Variants in PLXNA2 observed in about 807,000 individuals in gnomAD.
PLXNA2 encodes the protein plexin A2, also known as plexin-A2.
A neutral mutation model predicts 193.5 loss-of-function variants in PLXNA2; 91 were observed. The observed-to-expected ratio is 0.47, with a 90% CI of 0.40 to 0.56. The LOEUF (loss-of-function observed/expected upper bound fraction) is 0.56, where lower values mean the gene tolerates loss of function less well. Ranked by LOEUF, PLXNA2 falls within the 20% of genes least tolerant of loss-of-function variation. The probability of loss-of-function intolerance (pLI) is 0.00; values close to 1 mark genes in which losing one functional copy is unlikely to be tolerated. For missense variants in PLXNA2, 1,995 were observed against 2,503.2 expected, an observed-to-expected ratio of 0.80 and a Z score of 4.33; for synonymous variants, 997 against 1,027.3, an observed-to-expected ratio of 0.97 and a Z score of 0.56.
At position 208,042,345 on chromosome 1, in the gene PLXNA2, G is replaced by T. The variant is rs1461715129; in HGVS notation, c.4039C>A (p.His1347Asn). 16 of 1,613,812 alleles carry T rather than the reference G, an allele frequency of 9.9e-6. No homozygotes were observed. Among genetic ancestry groups the T allele is most frequent in the Non-Finnish European group, 1.4e-5 (16 of 1,179,838 alleles). Reference sequence around the variant, plus strand: ...AAGAGCTTCAGGGCCTTCTCCACGTGCTGCTGCCCGTTTCCTTGTACCTGG... The same window carrying T: ...AAGAGCTTCAGGGCCTTCTCCACGTTCTGCTGCCCGTTTCCTTGTACCTGG... The part of the protein sequence containing the change: ...ELEVQGNGQQ[H>N]VEKALKLFAQ... The change falls in exon 22 of 32, where the codon CAC becomes AAC. Residue 1347 changes from histidine to asparagine, a missense_variant. His to Asn is a moderately conservative substitution (Grantham distance 68). Coordinates refer to ENST00000367033, the MANE Select transcript of PLXNA2 (RefSeq NM_025179.4).
intron 9 of PLXNA2, among the ~76,000 whole-genome samples, chr1:208,091,990 A>G (rs1666728158): frequency 6.6e-6 from 1 of 152,254 alleles, no homozygotes; most frequent in South Asian, 2.1e-4. Flanking sequence ...CATTTGGGCA[A>G]CTATGTAATG....
At chr1:208,031,492 A>C in intron 29 of PLXNA2, 98 bp downstream of exon 29, 1 of 1,482,502 alleles carries the variant, frequency 6.7e-7, no homozygotes, top group Non-Finnish European at 9.4e-7. Flanking sequence ...CCAGCCGAGA[A>C]TAGGCTATCC....
At position 208,216,736 on chromosome 1, in the gene PLXNA2, G is replaced by A. The variant is rs1225127086; in HGVS notation, c.1187C>T (p.Ala396Val). ...AGAGCGAGGTGTGTGCCTCCTTACCGCCTTGGTGCACTGGACGTCCTTCCC... is the reference window on the plus strand; with the variant it reads ...AGAGCGAGGTGTGTGCCTCCTTACCACCTTGGTGCACTGGACGTCCTTCCC... ...LLGKDVQCTK[A>V]PVPIDDNFCG... Residue 396 changes from alanine (A) to valine (V), a missense_variant and splice_region_variant, in exon 2 of 32, where the codon GCG (alanine) becomes GTG (valine). This residue lies in a region of PLXNA2 where 702 missense variants were observed against 812.9 expected (regional missense o/e 0.86). Transcript: ENST00000367033. 3 of 1,610,972 alleles carry A rather than the reference G, an allele frequency of 1.9e-6. No homozygotes were observed. The highest frequency in any genetic ancestry group is 1.1e-5 in the South Asian group (1 of 90,844).
At position 208,034,539 on chromosome 1, in the gene PLXNA2, G is replaced by A; in HGVS notation, c.4818C>T (p.Asn1606=). 1 of 1,614,098 alleles carries A rather than the reference G, an allele frequency of 6.2e-7. No individual in the cohort carries two copies. Among genetic ancestry groups the A allele is most frequent in the Non-Finnish European group, 8.5e-7 (1 of 1,179,926 alleles). The change falls in exon 27 of 32, where the codon AAC becomes AAT. Residue 1606 remains asparagine, a synonymous_variant. Coordinates refer to ENST00000367033, the MANE Select transcript of PLXNA2 (RefSeq NM_025179.4). ...GGGAGATGCTGGCAGAGGCAGGGAT[G>A]TTGTAGGAGGAGGTCTGTTTGGGGA... ...ALVPKQTSSY[N]IPASASISRT...
intron 3 of PLXNA2, among the ~76,000 whole-genome samples, chr1:208,173,534 A>G (rs1669561180): frequency 6.6e-6 from 1 of 152,264 alleles, no homozygotes; most frequent in African/African-American, 2.4e-5. Flanking sequence ...CACAGCTAGC[A>G]CACGGCCAAG....
At chr1:208,033,054 GTCC>G (rs1279764998) in intron 28 of PLXNA2, among the ~76,000 whole-genome samples, 1 of 144,410 alleles carries the variant, frequency 6.9e-6, no homozygotes, top group Non-Finnish European at 1.5e-5. Context: ...TTCCAATTTT[GTCC>G]TCTTTTTTTT....
intron 3 of PLXNA2, among the ~76,000 whole-genome samples, chr1:208,206,766 GTTTTTT>G (rs896776741): frequency 8.6e-6 from 1 of 116,760 alleles, no homozygotes; most frequent in African/African-American, 3.3e-5. Context: ...GCACATATAG[GTTTTTT>G]TTTTTTTTTT....
rs547109002 is a variant in PLXNA2 at position 208,101,626 on chromosome 1, C to T, written c.1607+1521G>A. On this transcript the variant is annotated intron_variant, in intron 5 of 31. Transcript: ENST00000367033. ...ACCAGGAGGAAGACCAGGTGGTTTG[C>T]GGCAGCGGGGAGGCCCAGGCATTGC... 1.1e-4 allele frequency among the ~76,000 whole-genome samples: 16 copies of T among 152,284 alleles called. No individual in the cohort carries two copies. In the South Asian group the frequency reaches 1.4e-3, roughly 14 times the overall value.
At chr1:208,204,873 A>G (rs1169588185) in intron 3 of PLXNA2, among the ~76,000 whole-genome samples, 2 of 152,146 alleles carry the variant, frequency 1.3e-5, no homozygotes, top group Non-Finnish European at 2.9e-5. Flanking sequence ...ACATGTCACA[A>G]TGCTTGAGCA....
At chr1:208,150,722 A>G (rs1005134398) in intron 3 of PLXNA2, among the ~76,000 whole-genome samples, 2 of 152,174 alleles carry the variant, frequency 1.3e-5, no homozygotes, top group African/African-American at 4.8e-5. Context: ...TCGTAGAACT[A>G]AGAGGAGTGG....
chr1:208,239,274 A>G (rs561949763), intron 1 of PLXNA2, among the ~76,000 whole-genome samples: 24 of 152,032 alleles, frequency 1.6e-4, no homozygotes, highest in South Asian at 1.5e-3. Context: ...CTCCCTGGCC[A>G]GTGAAGATTC....
intron 4 of PLXNA2, among the ~76,000 whole-genome samples, chr1:208,129,988 G>T (rs1668097987): frequency 6.6e-6 from 1 of 152,182 alleles, no homozygotes; most frequent in Non-Finnish European, 1.5e-5. Context: ...AGGGACAGAG[G>T]CTGAACCCAG....
At chr1:208,081,118 C>T (rs1427821198) in intron 11 of PLXNA2, among the ~76,000 whole-genome samples, 2 of 152,248 alleles carry the variant, frequency 1.3e-5, no homozygotes, top group Admixed American at 6.5e-5. Flanking sequence ...GCTCTCTAAG[C>T]TCCAGGTGCT....
chr1:208,040,284 T>C, intron 22 of PLXNA2: 2 of 571,080 alleles, frequency 3.5e-6, no homozygotes, highest in South Asian at 4.2e-5. Flanking sequence ...ATGGAGAGGT[T>C]GGCCTTTTCA....
chr1:208,181,457 G>A (rs957171436), intron 3 of PLXNA2, among the ~76,000 whole-genome samples: 12 of 152,226 alleles, frequency 7.9e-5, no homozygotes, highest in Non-Finnish European at 1.6e-4. Flanking sequence ...GGAGATGAAA[G>A]TCTGATCCCA....
At chr1:208,136,119 G>A (rs1157597246) in intron 4 of PLXNA2, among the ~76,000 whole-genome samples, 1 of 152,154 alleles carries the variant, frequency 6.6e-6, no homozygotes, top group African/African-American at 2.4e-5. Flanking sequence ...AGGGGGAGAA[G>A]CTTCCAAATG....
chr1:208,100,540 T>G (rs7527482), intron 5 of PLXNA2, among the ~76,000 whole-genome samples: 49,128 of 151,914 alleles, frequency 0.32, 8,229 homozygotes, highest in South Asian at 0.38. Flanking sequence ...TCCAGAGAAA[T>G]TTTTAAGAAA....
rs755781506 is a variant in PLXNA2, at chr1:208,217,967, T to A, written c.-45A>T. On this transcript the variant is annotated 5_prime_UTR_variant, in exon 2 of 32. The change abolishes an upstream ATG in the 5' untranslated region. Transcript: ENST00000367033. The surrounding 1 kb of genome is among the most constrained non-coding windows in gnomAD (Gnocchi z 4.7). ...AGGAGACGGCTCCTGTGTGTGCTCATCTGCTCCACCTTCCCCGGTTGGCCC... is the reference window on the plus strand; with the variant it reads ...AGGAGACGGCTCCTGTGTGTGCTCAACTGCTCCACCTTCCCCGGTTGGCCC... The A allele has an allele frequency of 1.3e-5, 21 of 1,592,888 alleles. No homozygotes were observed. The highest frequency in any genetic ancestry group is 1.8e-5 in the Non-Finnish European group (21 of 1,175,976).
chr1:208,062,341 T>A (rs1665646095), intron 12 of PLXNA2, among the ~76,000 whole-genome samples: 1 of 152,200 alleles, frequency 6.6e-6, no homozygotes, highest in African/African-American at 2.4e-5. Flanking sequence ...GCTCCCTTCC[T>A]GTGATGTGGG....
Sources: allele counts gnomAD v4.1 joint callset (sites outside exome capture counted in the v4.1 genomes callset), GRCh38; gene constraint gnomAD v4.1.1; regional missense constraint gnomAD v4.1.1; non-coding constraint Gnocchi (gnomAD v3.1); transcripts MANE v1.5; gene names NCBI Gene and HGNC (gene_info 2026-07-23, HGNC 2026-07-21).